The following CERS4 variants were observed in gnomAD, a reference collection of about 807,000 sequenced individuals.
CERS4 encodes the protein LAG1 homolog, ceramide synthase 4.
A neutral mutation model predicts 51.8 loss-of-function variants in CERS4; 65 were observed. That is an observed-to-expected ratio of 1.26 (90% CI 1.03 to 1.54). The LOEUF (loss-of-function observed/expected upper bound fraction) is 1.54, where lower values mean the gene tolerates loss of function less well. Among genes scored for constraint, CERS4 ranks in the 40% most tolerant of loss-of-function variants. The probability of loss-of-function intolerance (pLI) is 0.00; values close to 1 mark genes in which losing one functional copy is unlikely to be tolerated. For missense variants in CERS4, 563 were observed against 500.4 expected, an observed-to-expected ratio of 1.13 and a Z score of -1.19; for synonymous variants, 228 against 208.4, an observed-to-expected ratio of 1.09 and a Z score of -0.81.
intron 3 of CERS4, 38 bp downstream of exon 3, chr19:8,251,287 G>T: frequency 1.3e-6 from 2 of 1,540,610 alleles, no homozygotes; most frequent in Non-Finnish European, 1.7e-6. Flanking sequence ...TGCCCCCGCA[G>T]TCGCTCCAGT....
At chr19:8,240,823 G>T (rs1212897921) in intron 2 of CERS4, among the ~76,000 whole-genome samples, 1 of 152,144 alleles carries the variant, frequency 6.6e-6, no homozygotes, top group Non-Finnish European at 1.5e-5. Flanking sequence ...CTGAAGAGGG[G>T]CAGGGATCCT....
chr19:8,238,644 T>C lies in CERS4; in HGVS notation c.-1-12432T>C, dbSNP rs150549772. ...GTGGGCACCTGCTGGGGGATCCTCA[T>C]GGTCCAGTATTGGTTGTAGGTTTTG... On this transcript the variant is annotated intron_variant, in intron 2 of 11. Coordinates refer to ENST00000251363, the MANE Select transcript of CERS4 (RefSeq NM_024552.3). 269 of 942,990 alleles carry C rather than the reference T, an allele frequency of 2.9e-4. 2 individuals are homozygous for C. In the African/African-American group the frequency reaches 4.6e-3, roughly 16 times the overall value. The allele number at this position is 942,990 out of a possible 1,614,324, so 58.4% of individuals were successfully genotyped here.
intron 10 of CERS4, among the ~76,000 whole-genome samples, chr19:8,259,484 A>C (rs1325256799): frequency 6.6e-6 from 1 of 151,936 alleles, no homozygotes; most frequent in East Asian, 1.9e-4. Context: ...GGAGCCATGG[A>C]GGTTATAAGC....
chr19:8,254,339 A>AAAAAAAAAC (rs1969255023), intron 3 of CERS4, among the ~76,000 whole-genome samples, 160 bp from the exon 4 acceptor site: 1 of 149,856 alleles, frequency 6.7e-6, no homozygotes, highest in Non-Finnish European at 1.5e-5. Context: ...AAAAAAAAAA[A>AAAAAAAAAC]AAAGTCTTAC....
chr19:8,251,069 T>C lies in CERS4; in HGVS notation c.-1-7T>C. ...ACCTCCCAGCTAACTGGAACCTGTG[T>C]CCACAGAATGCTGTCCAGTTTCAAC... On this transcript the variant is annotated splice_polypyrimidine_tract_variant and splice_region_variant and intron_variant, in intron 2 of 11. Coordinates refer to ENST00000251363, the MANE Select transcript of CERS4 (RefSeq NM_024552.3). 6.3e-7 allele frequency: 1 copy of C among 1,579,346 alleles called. No homozygotes were observed. Among genetic ancestry groups the C allele is most frequent in the Non-Finnish European group, 8.6e-7 (1 of 1,161,928 alleles).
chr19:8,236,680 T>TAAAAAAA (rs59164781), intron 2 of CERS4, among the ~76,000 whole-genome samples: 1 of 122,362 alleles, frequency 8.2e-6, no homozygotes, highest in African/African-American at 3.4e-5. Flanking sequence ...CCCTGTCTTC[T>TAAAAAAA]AAAAAAAAAA....
chr19:8,216,997 A>G (rs1208245806), intron 2 of CERS4, among the ~76,000 whole-genome samples: 1 of 152,056 alleles, frequency 6.6e-6, no homozygotes, highest in Non-Finnish European at 1.5e-5. Flanking sequence ...CACTTAACAC[A>G]TGTCAGCTTC....
At chr19:8,256,872 CCCA>C in intron 8 of CERS4, 74 bp from the exon 9 acceptor site, 1 of 1,608,362 alleles carries the variant, frequency 6.2e-7, no homozygotes, top group Admixed American at 1.7e-5. Flanking sequence ...CCTGAAAGGA[CCCA>C]CTTCTTGGCC....
At chr19:8,215,843 G>A (rs1383717148) in intron 2 of CERS4, among the ~76,000 whole-genome samples, 1 of 152,158 alleles carries the variant, frequency 6.6e-6, no homozygotes, top group African/African-American at 2.4e-5. Flanking sequence ...GGGCTTTTTA[G>A]GGTGATGGCA....
rs1969382891 is a variant in CERS4 at position 8,256,381 on chromosome 19, C to T, written c.519+95C>T. 7 of 1,363,830 alleles carry T rather than the reference C, an allele frequency of 5.1e-6. No homozygotes were observed. The South Asian group carries it at 8.7e-5, about 17-fold the overall frequency. The allele number at this position is 1,363,830 out of a possible 1,614,324, so 84.5% of individuals were successfully genotyped here. ...ATGGGACCCGAACCCTGACACTACA[C>T]TGTCATTCCCCACTGAGTCCCACGC... On this transcript the variant is annotated intron_variant, in intron 7 of 11. Coordinates refer to ENST00000251363, the MANE Select transcript of CERS4 (RefSeq NM_024552.3).
chr19:8,255,331 C>A (rs572960719), intron 4 of CERS4, among the ~76,000 whole-genome samples: 18 of 152,188 alleles, frequency 1.2e-4, no homozygotes. Context: ...GAAGCCTATC[C>A]GGGGGTAGGG....
intron 2 of CERS4, among the ~76,000 whole-genome samples, chr19:8,247,157 C>T (rs1968823478): frequency 6.6e-6 from 1 of 152,146 alleles, no homozygotes; most frequent in Admixed American, 6.6e-5. Context: ...CAGAGTGAGA[C>T]TCCATCTCAA....
intron 2 of CERS4, among the ~76,000 whole-genome samples, chr19:8,217,862 G>A (rs1357330192): frequency 1.3e-5 from 2 of 152,046 alleles, no homozygotes; most frequent in East Asian, 1.9e-4. Context: ...TTGTAGAGAC[G>A]GGGTTTTGCC....
chr19:8,261,466 A>G lies in CERS4; in HGVS notation c.849-222A>G, dbSNP rs1456179956. 5 of 573,052 alleles carry G rather than the reference A, an allele frequency of 8.7e-6. No homozygotes were observed. The Admixed American group carries it at 1.5e-4, about 17-fold the overall frequency. 35.5% of individuals were successfully genotyped at this position (573,052 alleles called of 1,614,324 possible). A position where few individuals can be genotyped will look rare whatever the true frequency, so the allele number is the denominator to read the frequency against. On this transcript the variant is annotated intron_variant, in intron 10 of 11. Coordinates refer to ENST00000251363, the MANE Select transcript of CERS4 (RefSeq NM_024552.3). ...GCTTGGGTGGGGTTCATAGTCATGAATGGCCAGTCAGGGAGCTCGTGTGTG... is the reference window on the plus strand; with the variant it reads ...GCTTGGGTGGGGTTCATAGTCATGAGTGGCCAGTCAGGGAGCTCGTGTGTG...
intron 10 of CERS4, among the ~76,000 whole-genome samples, chr19:8,260,692 G>A (rs1018259366): frequency 9.3e-5 from 14 of 151,154 alleles, no homozygotes; most frequent in African/African-American, 3.1e-4. Context: ...GCTCACGCCT[G>A]TAATCCCAGC....
chr19:8,255,800 A>G, intron 5 of CERS4, 22 bp from the exon 6 acceptor site: 3 of 1,613,604 alleles, frequency 1.9e-6, no homozygotes, highest in Non-Finnish European at 2.5e-6. Flanking sequence ...TGCTATTTTC[A>G]CAGCTCCCTC....
At chr19:8,221,872 GTTTTTTTTTTTTTT>G (rs71165297) in intron 2 of CERS4, among the ~76,000 whole-genome samples, 5 of 39,488 alleles carry the variant, frequency 1.3e-4, no homozygotes, top group East Asian at 7.4e-4. Flanking sequence ...ATTTTTTTAT[GTTTTTTTTTTTTTT>G]TTTTTTTTTT....
intron 10 of CERS4, 98 bp downstream of exon 10, chr19:8,258,083 A>T (rs1001375887): frequency 2.0e-6 from 2 of 987,802 alleles, no homozygotes; most frequent in Admixed American, 1.8e-5. Flanking sequence ...GGAGCTGGGG[A>T]TCTTGGCTGG....
chr19:8,256,668 C>T lies in CERS4; in HGVS notation c.570C>T (p.Tyr190=). 1.9e-6 allele frequency: 3 copies of T among 1,613,924 alleles called. No homozygotes were observed. The highest frequency in any genetic ancestry group is 2.5e-6 in the Non-Finnish European group (3 of 1,179,922). The part of the protein sequence containing the change: ...YWWYLLELGF[Y]LSLLIRLPFD... Reference sequence around the variant, plus strand: ...GGTACCTCTTGGAGCTGGGTTTCTACCTCTCACTGCTAATCAGGCTGCCCT... The same window carrying T: ...GGTACCTCTTGGAGCTGGGTTTCTATCTCTCACTGCTAATCAGGCTGCCCT... The change falls in exon 8 of 12, where the codon TAC becomes TAT. Residue 190 remains tyrosine (Y), a synonymous_variant. Coordinates refer to ENST00000251363, the MANE Select transcript of CERS4 (RefSeq NM_024552.3).
Sources: allele counts gnomAD v4.1 joint callset (sites outside exome capture counted in the v4.1 genomes callset), GRCh38; gene constraint gnomAD v4.1.1; transcripts MANE v1.5; gene names NCBI Gene and HGNC (gene_info 2026-07-23, HGNC 2026-07-21).